PPP2R5C: variants seen among roughly 807,000 people sequenced by gnomAD.
PPP2R5C encodes protein phosphatase 2 regulatory subunit B'gamma, also known as serine/threonine-protein phosphatase 2A 56 kDa regulatory subunit gamma isoform.
In PPP2R5C, 7 loss-of-function variants were observed where a neutral mutation model predicts 68.9. That is an observed-to-expected ratio of 0.10 (90% CI 0.06 to 0.19). The LOEUF is 0.19. Ranked by LOEUF, PPP2R5C falls within the 10% of genes least tolerant of loss-of-function variation. The pLI, the probability that PPP2R5C is intolerant of heterozygous loss-of-function variation, is 1.00. For missense variants in PPP2R5C, 348 were observed against 641.3 expected (o/e 0.54, Z 4.94); for synonymous variants, 210 against 222.2 (o/e 0.95, Z 0.49).
chr14:101,794,230 T>G (rs747273129), intron 3 of PPP2R5C, among the ~76,000 whole-genome samples: 1 of 152,216 alleles, frequency 6.6e-6, no homozygotes, highest in Non-Finnish European at 1.5e-5. Context: ...TTTCTTGGCT[T>G]TCATAGTTTT....
In PPP2R5C at chr14:101,877,508, A is replaced by G. The variant is rs1315919023; in HGVS notation, c.295-4653A>G. Among the ~76,000 whole-genome samples the G allele has an allele frequency of 6.6e-6, 1 of 152,096 alleles. No individual in the cohort carries two copies. Among genetic ancestry groups the G allele is most frequent in the African/African-American group, 2.4e-5 (1 of 41,412 alleles). On this transcript the variant is annotated intron_variant, in intron 2 of 13. Coordinates refer to ENST00000334743, the Ensembl canonical transcript of PPP2R5C. This position sits in a 1 kb window ranked among gnomAD's most constrained non-coding sequence, Gnocchi z 4.2. ...TCAGAGCTTCTTTGGTGTTCACTGCATAACGTTGATGTCTTCTCTGTTTCC... is the reference window on the plus strand; with the variant it reads ...TCAGAGCTTCTTTGGTGTTCACTGCGTAACGTTGATGTCTTCTCTGTTTCC...
At position 101,915,529 on chromosome 14, in the gene PPP2R5C, C is replaced by T. The variant is rs901402014; in HGVS notation, c.1327-2302C>T. On this transcript the variant is annotated intron_variant, in intron 12 of 13. Coordinates refer to ENST00000334743, the Ensembl canonical transcript of PPP2R5C. This position sits in a 1 kb window ranked among gnomAD's most constrained non-coding sequence, Gnocchi z 4.2. The stretch of plus-strand genomic sequence containing the variant: ...CAGAGAGCCGTGCTCCAAGCGGAGG[C>T]TGTTGGTGGGTCCCATGAAGAGCAC... 2.0e-5 allele frequency among the ~76,000 whole-genome samples: 3 copies of T among 152,244 alleles called. No individual in the cohort carries two copies. Among genetic ancestry groups the T allele is most frequent in the Admixed American group, 1.3e-4 (2 of 15,292 alleles).
rs1257687869 is a variant in PPP2R5C, at chr14:101,882,098, T to A, written c.295-63T>A. The A allele has an allele frequency of 3.7e-6, 5 of 1,347,760 alleles. No individual in the cohort carries two copies. In the Admixed American group the frequency reaches 7.4e-5, roughly 20 times the overall value. The allele number at this position is 1,347,760 out of a possible 1,614,324, so 83.5% of individuals were successfully genotyped here. On this transcript the variant is annotated intron_variant, in intron 2 of 13. Coordinates refer to ENST00000334743, the Ensembl canonical transcript of PPP2R5C. The surrounding 1 kb of genome is among the most constrained non-coding windows in gnomAD (Gnocchi z 4.9). ...ACTGTTAGAATTACCTAAGACTTTA[T>A]AAAATGTTGTCTGTAAATATTTTAA...
chr14:101,831,205 A>C (rs545099214), intron 1 of PPP2R5C, among the ~76,000 whole-genome samples: 11 of 152,360 alleles, frequency 7.2e-5, no homozygotes, highest in Non-Finnish European at 1.6e-4. Flanking sequence ...GTTTTACCAT[A>C]AATGAAATAT....
chr14:101,792,879 TTTTC>T (rs1484308140), intron 3 of PPP2R5C, among the ~76,000 whole-genome samples: 112 of 117,472 alleles, frequency 9.5e-4, no homozygotes, highest in Admixed American at 6.2e-3. Context: ...GCCATTTTTC[TTTTC>T]TTTTTTTTTT....
intron 10 of PPP2R5C, among the ~76,000 whole-genome samples, chr14:101,907,897 A>G (rs2046144348): frequency 6.6e-6 from 1 of 152,054 alleles, no homozygotes; most frequent in Non-Finnish European, 1.5e-5. Flanking sequence ...TTAGCCCTGG[A>G]GCTCTGAGCC....
chr14:101,873,457 A>G (rs1406192208), intron 2 of PPP2R5C, among the ~76,000 whole-genome samples: 1 of 152,178 alleles, frequency 6.6e-6, no homozygotes, highest in Non-Finnish European at 1.5e-5. Context: ...GAACAGTTAT[A>G]TTAAAACCAG....
chr14:101,774,078 A>C (rs190392001), intron 2 of PPP2R5C, among the ~76,000 whole-genome samples: 24 of 152,304 alleles, frequency 1.6e-4, no homozygotes, highest in Non-Finnish European at 2.6e-4. Flanking sequence ...CCTAGCTGCT[A>C]TGTGGGAACG....
intron 2 of PPP2R5C, among the ~76,000 whole-genome samples, chr14:101,867,086 G>A (rs951800125): frequency 2.0e-5 from 3 of 151,820 alleles, no homozygotes; most frequent in African/African-American, 7.3e-5. Flanking sequence ...GCGTGGTGGC[G>A]CATGCCTGTA....
Position 101,802,253 on chromosome 14 carries a change from A to C in PPP2R5C, c.259+16070A>C, listed in dbSNP as rs796125939. On this transcript the variant is annotated intron_variant, in intron 3 of 14. Transcript: ENST00000328724. Reference sequence around the variant, plus strand: ...CATGGTGAAACCCCGTCTGTATTAAAAATACAAAATTAGCTGGGTGTGTTG... The same window carrying C: ...CATGGTGAAACCCCGTCTGTATTAACAATACAAAATTAGCTGGGTGTGTTG... Among the ~76,000 whole-genome samples the C allele has an allele frequency of 2.0e-5, 3 of 152,120 alleles. No individual in the cohort carries two copies. In the South Asian group the frequency reaches 6.2e-4, roughly 32 times the overall value.
chr14:101,762,023 C>A, intron 1 of PPP2R5C, 103 bp downstream of exon 1: 1 of 1,079,714 alleles, frequency 9.3e-7, no homozygotes, highest in Non-Finnish European at 1.1e-6. Flanking sequence ...CTCAGTTCCC[C>A]GCCTGACGCC....
chr14:101,908,446 T>C (rs1277843707), intron 10 of PPP2R5C, among the ~76,000 whole-genome samples: 1 of 152,190 alleles, frequency 6.6e-6, no homozygotes, highest in Non-Finnish European at 1.5e-5. Context: ...CCATCCTGGC[T>C]CACTGCAGCC....
exon 2 of PPP2R5C, chr14:101,762,925 G>T: frequency 6.3e-7 from 1 of 1,584,478 alleles, no homozygotes; most frequent in Non-Finnish European, 8.6e-7. Context: ...AAGCAGGGAA[G>T]AGTGGAAAAA....
At chr14:101,922,094 G>A in intron 13 of PPP2R5C, 4 of 985,358 alleles carry the variant, frequency 4.1e-6, no homozygotes, top group Non-Finnish European at 4.8e-6. Flanking sequence ...TTGAAGGCCT[G>A]TTCTCCAGGA....
intron 5 of PPP2R5C, 138 bp from the exon 8 acceptor site, chr14:101,890,099 C>A: frequency 2.5e-6 from 2 of 785,126 alleles, no homozygotes; most frequent in South Asian, 1.5e-5. Context: ...TCCTGAAGGG[C>A]TGCTTGCTCA....
chr14:101,869,800 G>A (rs1251680050), intron 2 of PPP2R5C, among the ~76,000 whole-genome samples: 3 of 151,834 alleles, frequency 2.0e-5, no homozygotes, highest in African/African-American at 7.3e-5. Flanking sequence ...GACTGCAAGC[G>A]CCCATCACAC....
At chr14:101,798,499 G>T (rs1400879166) in intron 3 of PPP2R5C, among the ~76,000 whole-genome samples, 3 of 152,234 alleles carry the variant, frequency 2.0e-5, no homozygotes, top group Admixed American at 2.0e-4. Flanking sequence ...AGGCACAGTG[G>T]TGTGCACCTG....
chr14:101,893,118 A>C lies in PPP2R5C; in HGVS notation c.798+10A>C. On this transcript the variant is annotated intron_variant, in intron 7 of 13. Transcript: ENST00000334743. ...TGTCTACCATCCCCAGGTAAGGGGC[A>C]GCAGGACTCTAGGAACACAGCTGTT... 6.5e-7 allele frequency: 1 copy of C among 1,543,134 alleles called. No homozygotes were observed. The highest frequency in any genetic ancestry group is 9.0e-7 in the Non-Finnish European group (1 of 1,115,560).
At position 101,794,544 on chromosome 14, in the gene PPP2R5C, A is replaced by C. The variant is rs137893756; in HGVS notation, c.259+8361A>C. 4.6e-5 allele frequency among the ~76,000 whole-genome samples: 7 copies of C among 152,198 alleles called. No homozygotes were observed. In the East Asian group the frequency reaches 1.4e-3, roughly 29 times the overall value. On this transcript the variant is annotated intron_variant, in intron 3 of 14. Coordinates refer to the PPP2R5C transcript ENST00000328724. ...ACCACCATGCCTGGCTACTGTTGGCATTTTTATTGGGATCCTGTTACATTT... is the reference window on the plus strand; with the variant it reads ...ACCACCATGCCTGGCTACTGTTGGCCTTTTTATTGGGATCCTGTTACATTT...
Sources: allele counts gnomAD v4.1 joint callset (sites outside exome capture counted in the v4.1 genomes callset), GRCh38; gene constraint gnomAD v4.1.1; non-coding constraint Gnocchi (gnomAD v3.1); transcripts MANE v1.5; gene names NCBI Gene and HGNC (gene_info 2026-07-23, HGNC 2026-07-21).